Variants in NOP14 observed in about 807,000 individuals in gnomAD.
NOP14 encodes the protein nucleolar protein 14.
In NOP14, 57 loss-of-function variants were observed where a neutral mutation model predicts 101.6. The ratio of observed to expected loss-of-function variants is 0.56; its 90% CI spans 0.45 to 0.70. NOP14 has a LOEUF of 0.70. Among genes scored for constraint, NOP14 ranks in the 30% least tolerant of loss-of-function variants. NOP14 has a pLI of 0.00. For synonymous variants in NOP14, 428 were observed against 424.0 expected, an observed-to-expected ratio of 1.01 and a Z score of -0.12; for missense variants, 1,134 against 1,075.5, an observed-to-expected ratio of 1.05 and a Z score of -0.76.
At chr4:2,959,165 C>G (rs1357631613) in intron 1 of NOP14, among the ~76,000 whole-genome samples, 1 of 152,204 alleles carries the variant, frequency 6.6e-6, no homozygotes, top group Non-Finnish European at 1.5e-5. Context: ...ATAAATACTG[C>G]CAAGGCAATT....
intron 1 of NOP14, among the ~76,000 whole-genome samples, chr4:2,958,159 G>A (rs149806820): frequency 1.4e-3 from 207 of 152,314 alleles, no homozygotes; most frequent in African/African-American, 4.8e-3. Context: ...TAAGAAATGT[G>A]TAGTTGTGAG....
At chr4:2,960,324 G>A (rs1715644249) in intron 1 of NOP14, among the ~76,000 whole-genome samples, 1 of 151,890 alleles carries the variant, frequency 6.6e-6, no homozygotes, top group Non-Finnish European at 1.5e-5. Flanking sequence ...GAGTGTCACT[G>A]GCTTCTAGCA....
chr4:2,942,903 C>G (rs984491249), intron 13 of NOP14, among the ~76,000 whole-genome samples: 5 of 152,060 alleles, frequency 3.3e-5, no homozygotes. Flanking sequence ...TGTGGCTACA[C>G]GGGGAGGGGT....
rs1714534624 is a variant in NOP14, at chr4:2,945,231, T to C, written c.1636-2A>G. 1.9e-6 allele frequency: 3 copies of C among 1,560,284 alleles called. No individual in the cohort carries two copies. The Admixed American group carries it at 5.8e-5, about 30-fold the overall frequency. On this transcript the variant is annotated splice_acceptor_variant, in intron 11 of 17. Transcript: ENST00000416614. LOFTEE classifies it high-confidence loss of function. ...CCCAGTGATTTTCAAATAAATGAGCTGGAAAGAAAGTGTTACCACAGGTTA... is the reference window on the plus strand; with the variant it reads ...CCCAGTGATTTTCAAATAAATGAGCCGGAAAGAAAGTGTTACCACAGGTTA...
chr4:2,941,589 T>TCCTGCC lies in NOP14; in HGVS notation c.2191_2192insGGCAGG (p.Gln730_Glu731insGlyGln), dbSNP rs1298793194. On this transcript the variant is annotated inframe_insertion, in exon 15 of 18. Transcript: ENST00000416614. The stretch of plus-strand genomic sequence containing the variant: ...GTGGCCGGGAAGCCTCACCTGGAGC[T>TCCTGCC]CCTGCGGGTGGCTGCAGTCCGCCAG... 1 of 1,612,080 alleles carries TCCTGCC rather than the reference T, an allele frequency of 6.2e-7. No individual in the cohort carries two copies.
intron 15 of NOP14, 116 bp from the exon 16 acceptor site, chr4:2,939,761 A>G: frequency 1.2e-6 from 1 of 812,802 alleles, no homozygotes; most frequent in South Asian, 1.4e-5. Context: ...AGCTCCCTGC[A>G]GCAGGATGGT....
At position 2,954,558 on chromosome 4, in the gene NOP14, G is replaced by A. The variant is rs754693061; in HGVS notation, c.478C>T (p.Leu160=). 1 of 1,613,876 alleles carries A rather than the reference G, an allele frequency of 6.2e-7. No homozygotes were observed. Among genetic ancestry groups the A allele is most frequent in the Non-Finnish European group, 8.5e-7 (1 of 1,179,902 alleles). The change falls in exon 4 of 18, where the codon CTG becomes TTG. Residue 160 remains leucine, a synonymous_variant. Coordinates refer to ENST00000416614, the MANE Select transcript of NOP14 (RefSeq NM_001291978.2). The stretch of plus-strand genomic sequence containing the variant: ...CCTCCTCCAAAGTGGGCAGCAGTCA[G>A]CTCAGCTGGGGGCAAAAGGCAGAAA... ...AEDRGTLSAE[L]TAAHFGGGGG...
At chr4:2,939,011 C>G in intron 17 of NOP14, 81 bp from the exon 18 acceptor site, 1 of 1,483,840 alleles carries the variant, frequency 6.7e-7, no homozygotes, top group African/African-American at 1.4e-5. Context: ...ACATCAGAAC[C>G]ACATTAGCCA....
At chr4:2,948,432 G>A (rs754441145) in intron 8 of NOP14, 24 bp from the exon 9 acceptor site, 6 of 1,578,562 alleles carry the variant, frequency 3.8e-6, no homozygotes, top group African/African-American at 2.7e-5. Context: ...AAAACATACT[G>A]CACATTTAAC....
At chr4:2,960,670 TTAA>T (rs1034253956) in intron 1 of NOP14, among the ~76,000 whole-genome samples, 9 of 127,610 alleles carry the variant, frequency 7.1e-5, no homozygotes, top group Non-Finnish European at 1.3e-4. Context: ...TATTATTATA[TTAA>T]TATTATATTA....
intron 8 of NOP14, 103 bp from the exon 9 acceptor site, chr4:2,948,511 G>C (rs993197163): frequency 2.3e-5 from 21 of 898,222 alleles, no homozygotes; most frequent in Non-Finnish European, 3.2e-5. Flanking sequence ...CTGGAGTGCA[G>C]TGGTGCAATC....
chr4:2,947,333 G>A (rs1024726254), intron 10 of NOP14, 193 bp downstream of exon 10: 19 of 592,006 alleles, frequency 3.2e-5, no homozygotes, highest in Non-Finnish European at 5.4e-5. Context: ...TACAGTGGCT[G>A]GAGCGGCACG....
At chr4:2,952,504 G>C (rs1159268761) in intron 5 of NOP14, 107 bp from the exon 6 acceptor site, 1 of 1,002,448 alleles carries the variant, frequency 1.0e-6, no homozygotes, top group African/African-American at 1.6e-5. Context: ...GCTAGATAAT[G>C]TTATTGAAGT....
Position 2,950,880 on chromosome 4 carries a change from G to C in NOP14, c.1002+234C>G, listed in dbSNP as rs78912151. On this transcript the variant is annotated intron_variant, in intron 7 of 17. Coordinates refer to ENST00000416614, the MANE Select transcript of NOP14 (RefSeq NM_001291978.2). ...TTTATCTGTGTTCCTTTGAGACAGAGAGAGAGAGTGAGAAAGAGAGCGTGA... is the reference window on the plus strand; with the variant it reads ...TTTATCTGTGTTCCTTTGAGACAGACAGAGAGAGTGAGAAAGAGAGCGTGA... The C allele has an allele frequency of 1.8e-3, 749 of 409,814 alleles. 3 individuals are homozygous for C. Among genetic ancestry groups the C allele is most frequent in the African/African-American group, 0.015 (671 of 45,440 alleles). The allele number at this position is 409,814 out of a possible 1,614,324, so 25.4% of individuals were successfully genotyped here.
chr4:2,950,294 GCCCACA>G, intron 7 of NOP14, 81 bp from the exon 8 acceptor site: 1 of 1,460,812 alleles, frequency 6.8e-7, no homozygotes, highest in Non-Finnish European at 9.4e-7. Flanking sequence ...TCAAGAGGCT[GCCCACA>G]TCAGGGCTTT....
rs1400914653 is a variant in NOP14 at position 2,959,362 on chromosome 4, G to GT, written c.196-1623_196-1622insA. Among the ~76,000 whole-genome samples the GT allele has an allele frequency of 2.2e-4, 33 of 152,260 alleles. No individual in the cohort carries two copies. In the East Asian group the frequency reaches 6.2e-3, roughly 29 times the overall value. ...AATTCCAGCACTCTGGGAGGCCAAG[G>GT]CGGGCGGATCACGAGGTTAGAAGAT... On this transcript the variant is annotated intron_variant, in intron 1 of 17. Transcript: ENST00000416614.
At chr4:2,961,059 AATATT>A (rs1486201152) in intron 1 of NOP14, among the ~76,000 whole-genome samples, 2 of 117,008 alleles carry the variant, frequency 1.7e-5, no homozygotes, top group African/African-American at 7.2e-5. Context: ...ATACTACATC[AATATT>A]ATATTAATAC....
chr4:2,951,978 G>A (rs936944889), intron 6 of NOP14, among the ~76,000 whole-genome samples: 46 of 152,064 alleles, frequency 3.0e-4, no homozygotes, highest in African/African-American at 1.1e-3. Flanking sequence ...GTGGTGGCAG[G>A]CGCCTGTAAT....
At position 2,941,572 on chromosome 4, in the gene NOP14, G is replaced by A. The variant is rs779000327; in HGVS notation, c.2199+10C>T. On this transcript the variant is annotated intron_variant, in intron 15 of 17. Coordinates refer to ENST00000416614, the MANE Select transcript of NOP14 (RefSeq NM_001291978.2). ...CCAGGCAGAGCACCCTAGTGGCCGG[G>A]AAGCCTCACCTGGAGCTCCTGCGGG... The A allele has an allele frequency of 3.7e-6, 6 of 1,610,426 alleles. No individual in the cohort carries two copies. The Admixed American group carries it at 1.0e-4, about 27-fold the overall frequency.
Sources: gnomAD v4.1 joint callset for allele counts (sites outside exome capture counted in the v4.1 genomes callset) on GRCh38, gnomAD v4.1.1 for gene constraint, MANE v1.5 for transcripts, NCBI Gene and HGNC (gene_info 2026-07-23, HGNC 2026-07-21) for gene names.